The following GNA14 variants were observed in gnomAD, a reference collection of about 807,000 sequenced individuals.
The protein encoded by GNA14 is guanine nucleotide-binding protein subunit alpha-14.
In GNA14, 50 loss-of-function variants were observed where a neutral mutation model predicts 42.0. The observed-to-expected ratio is 1.19, with a 90% CI of 0.95 to 1.51. The LOEUF is 1.51. Among genes scored for constraint, GNA14 ranks in the 40% most tolerant of loss-of-function variants. The pLI, the probability that GNA14 is intolerant of heterozygous loss-of-function variation, is 0.00. For synonymous variants in GNA14, 173 were observed against 163.1 expected, an observed-to-expected ratio of 1.06 and a Z score of -0.46; for missense variants, 473 against 446.2, an observed-to-expected ratio of 1.06 and a Z score of -0.54.
In GNA14 at chr9:77,628,616, C is replaced by T. The variant is rs181539084; in HGVS notation, c.124+19054G>A. The stretch of plus-strand genomic sequence containing the variant: ...AGAGCCATCTGATCCTTGACCAACC[C>T]GACAAAAACAAGCAATGGGGAAAGA... On this transcript the variant is annotated intron_variant, in intron 1 of 6. Coordinates refer to ENST00000341700, the MANE Select transcript of GNA14 (RefSeq NM_004297.4). 2.1e-3 allele frequency among the ~76,000 whole-genome samples: 323 copies of T among 152,034 alleles called. 2 individuals carry two copies. Among genetic ancestry groups the T allele is most frequent in the African/African-American group, 6.3e-3 (262 of 41,506 alleles).
At chr9:77,602,718 C>G (rs1478123600) in intron 1 of GNA14, among the ~76,000 whole-genome samples, 2 of 148,596 alleles carry the variant, frequency 1.3e-5, no homozygotes, top group African/African-American at 5.0e-5. Context: ...TTTTTTTTTT[C>G]CTTCACACTC....
chr9:77,489,207 G>A (rs560215803), intron 2 of GNA14, among the ~76,000 whole-genome samples: 36 of 151,938 alleles, frequency 2.4e-4, no homozygotes, highest in African/African-American at 7.7e-4. Context: ...AAAGACAGGC[G>A]GTGTGAAAAT....
At chr9:77,430,837 C>A (rs935832669) in intron 4 of GNA14, among the ~76,000 whole-genome samples, 2 of 152,196 alleles carry the variant, frequency 1.3e-5, no homozygotes, top group African/African-American at 4.8e-5. Flanking sequence ...GAAATGCATA[C>A]ATTTTTACAC....
At chr9:77,528,199 C>G (rs1029659082) in intron 2 of GNA14, among the ~76,000 whole-genome samples, 13 of 152,054 alleles carry the variant, frequency 8.5e-5, no homozygotes, top group Admixed American at 7.9e-4. Context: ...CCTTAGGGGT[C>G]CATACTAAAG....
chr9:77,578,779 G>A (rs1823169448), intron 1 of GNA14, among the ~76,000 whole-genome samples: 2 of 152,166 alleles, frequency 1.3e-5, no homozygotes, highest in South Asian at 2.1e-4. Flanking sequence ...CTATGAAGAG[G>A]TAGGCTTCAA....
At chr9:77,644,040 C>T (rs1213866336) in intron 1 of GNA14, among the ~76,000 whole-genome samples, 1 of 152,154 alleles carries the variant, frequency 6.6e-6, no homozygotes, top group Non-Finnish European at 1.5e-5. Context: ...GTCCTCCCGC[C>T]AAAGTTTTTA....
At chr9:77,538,211 C>T (rs1837620442) in intron 1 of GNA14, among the ~76,000 whole-genome samples, 1 of 151,998 alleles carries the variant, frequency 6.6e-6, no homozygotes, top group Admixed American at 6.6e-5. Context: ...GCTGGGACTA[C>T]AGGTGTGTGC....
intron 2 of GNA14, among the ~76,000 whole-genome samples, chr9:77,493,174 A>G (rs1407602905): frequency 6.6e-6 from 1 of 151,454 alleles, no homozygotes; most frequent in African/African-American, 2.4e-5. Context: ...GCTACTCACC[A>G]TCAGGTGAAG....
At chr9:77,572,417 C>T (rs73651545) in intron 1 of GNA14, among the ~76,000 whole-genome samples, 9,629 of 152,084 alleles carry the variant, frequency 0.063, 851 homozygotes, top group African/African-American at 0.2. Context: ...TTTCTCCTTT[C>T]TTTCATAAAA....
chr9:77,645,662 C>CA (rs971280457), intron 1 of GNA14, among the ~76,000 whole-genome samples: 2 of 152,140 alleles, frequency 1.3e-5, no homozygotes, highest in Non-Finnish European at 2.9e-5. Flanking sequence ...TCAGAGCAAA[C>CA]AATTTACCTA....
chr9:77,520,214 A>G (rs1485319388), intron 2 of GNA14, among the ~76,000 whole-genome samples: 1 of 152,172 alleles, frequency 6.6e-6, no homozygotes, highest in Non-Finnish European at 1.5e-5. Flanking sequence ...ATTCACTAAT[A>G]CCAGATGAAC....
intron 1 of GNA14, among the ~76,000 whole-genome samples, chr9:77,556,159 G>C (rs112962646): frequency 1.3e-5 from 2 of 152,060 alleles, no homozygotes; most frequent in African/African-American, 4.8e-5. Context: ...TGGGAGAATC[G>C]CTTGAACTCA....
chr9:77,603,954 AAC>A lies in GNA14; in HGVS notation c.124+43714_124+43715del, dbSNP rs1229526819. On this transcript the variant is annotated intron_variant, in intron 1 of 6. Coordinates refer to ENST00000341700, the MANE Select transcript of GNA14 (RefSeq NM_004297.4). ...GTAAGACTCCATCTCAAAAAAAAAA[AAC>A]AAAAAAAAAAAAAAAAAAAAAAAAA... Among the ~76,000 whole-genome samples, 373 of 138,754 alleles carry A rather than the reference AAC, an allele frequency of 2.7e-3. 4 individuals are homozygous for A. Among genetic ancestry groups the A allele is most frequent in the African/African-American group, 9.7e-3 (334 of 34,260 alleles). 91.0% of individuals were successfully genotyped at this position (138,754 alleles called of 152,430 possible).
chr9:77,540,072 A>T (rs1328410329), intron 1 of GNA14, among the ~76,000 whole-genome samples: 4 of 151,886 alleles, frequency 2.6e-5, no homozygotes, highest in African/African-American at 9.7e-5. Context: ...CTTGGGATGC[A>T]TCATTAGGCT....
rs529667275 is a variant in GNA14, at chr9:77,428,899, C to G, written c.723+8G>C. ...TCCACAGCTACCCAAACTTCCCGCC[C>G]AGCATACCTCGTTGTCACACTCAGC... On this transcript the variant is annotated splice_region_variant and intron_variant, in intron 5 of 6. Coordinates refer to ENST00000341700, the MANE Select transcript of GNA14 (RefSeq NM_004297.4). 1.2e-6 allele frequency: 2 copies of G among 1,612,708 alleles called. No homozygotes were observed. Among genetic ancestry groups the G allele is most frequent in the South Asian group, 2.2e-5 (2 of 90,780 alleles).
chr9:77,589,392 CTTTTTTTGTTTTG>C (rs1823354445), intron 1 of GNA14, among the ~76,000 whole-genome samples: 2 of 152,046 alleles, frequency 1.3e-5, no homozygotes, highest in Non-Finnish European at 2.9e-5. Flanking sequence ...GCTCGGTTTT[CTTTTTTTGTTTTG>C]TTTTTTTGTT....
In GNA14 at chr9:77,438,221, T is replaced by A. The variant is rs182286394; in HGVS notation, c.310-3699A>T. ...AGACTGCACCTGAGAGGACCAGAAG[T>A]ACTTCAAGTTCGGAGGTCACTACCT... On this transcript the variant is annotated intron_variant, in intron 2 of 6. Coordinates refer to ENST00000341700, the MANE Select transcript of GNA14 (RefSeq NM_004297.4). 1.7e-3 allele frequency among the ~76,000 whole-genome samples: 253 copies of A among 152,010 alleles called. 4 individuals are homozygous for A. The highest frequency in any genetic ancestry group is 1.8e-3 in the Non-Finnish European group (123 of 67,980).
At chr9:77,614,451 G>A (rs1460591302) in intron 1 of GNA14, among the ~76,000 whole-genome samples, 1 of 152,010 alleles carries the variant, frequency 6.6e-6, no homozygotes, top group African/African-American at 2.4e-5. Context: ...AAATCCTGGG[G>A]CCCCATGCTG....
chr9:77,425,124 C>G (rs1299373509), intron 6 of GNA14, among the ~76,000 whole-genome samples: 1 of 152,050 alleles, frequency 6.6e-6, no homozygotes, highest in Admixed American at 6.6e-5. Flanking sequence ...GAGTCTCTAC[C>G]CTCATGGAGC....
Sources: allele counts gnomAD v4.1 joint callset (sites outside exome capture counted in the v4.1 genomes callset), GRCh38; gene constraint gnomAD v4.1.1; transcripts MANE v1.5; gene names NCBI Gene and HGNC (gene_info 2026-07-23, HGNC 2026-07-21).